The following ODR4 variants were observed in gnomAD, a reference collection of about 807,000 sequenced individuals.
ODR4 encodes protein odr-4 homolog.
Under a neutral mutation model 60.2 loss-of-function variants are expected in ODR4, and 47 were observed. The observed-to-expected ratio is 0.78, with a 90% CI of 0.62 to 1.00. The LOEUF (loss-of-function observed/expected upper bound fraction) is 1.00. Among genes scored for constraint, ODR4 ranks in the 50% least tolerant of loss-of-function variants. The probability of loss-of-function intolerance (pLI) is 0.00; values close to 1 mark genes in which losing one functional copy is unlikely to be tolerated. For synonymous variants in ODR4, 178 were observed against 175.5 expected, an observed-to-expected ratio of 1.01 and a Z score of -0.11; for missense variants, 488 against 530.8, an observed-to-expected ratio of 0.92 and a Z score of 0.79.
intron 11 of ODR4, chr1:186,401,107 T>C (rs1247886980): frequency 6.3e-7 from 1 of 1,594,636 alleles, no homozygotes; most frequent in East Asian, 2.3e-5. Context: ...AGTATACTCT[T>C]CTATTTAAAA....
chr1:186,377,850 C>A (rs1467205349), intron 1 of ODR4, among the ~76,000 whole-genome samples: 1 of 152,142 alleles, frequency 6.6e-6, no homozygotes, highest in Non-Finnish European at 1.5e-5. Flanking sequence ...TCGAGACTAT[C>A]CTGGCTAACA....
At chr1:186,427,922 T>C in the ODR4 span, among the ~76,000 whole-genome samples, 19 of 152,350 alleles carry the variant, frequency 1.2e-4, no homozygotes, top group African/African-American at 4.3e-4. Flanking sequence ...GTTTCAACAG[T>C]GGGCTTAAAA....
chr1:186,418,572 A>G (rs927666186), intron 13 of ODR4, among the ~76,000 whole-genome samples: 3 of 152,240 alleles, frequency 2.0e-5, no homozygotes, highest in African/African-American at 7.2e-5. Flanking sequence ...ATGGTCGAAC[A>G]TGGACTTCTG....
At chr1:186,416,202 CTAAT>C (rs34801594) in intron 12 of ODR4, among the ~76,000 whole-genome samples, 2 of 152,080 alleles carry the variant, frequency 1.3e-5, no homozygotes, top group African/African-American at 4.8e-5. Flanking sequence ...TTATTAATAT[CTAAT>C]TATTTGAAAT....
rs1297402455 is a variant in ODR4, at chr1:186,421,163, C to G, written c.*2087C>G. The G allele has an allele frequency of 6.6e-6, 1 of 152,148 alleles. No homozygotes were observed. The highest frequency in any genetic ancestry group is 1.5e-5 in the Non-Finnish European group (1 of 68,024). 9.4% of individuals were successfully genotyped at this position (152,148 alleles called of 1,614,324 possible). On this transcript the variant is annotated 3_prime_UTR_variant, in exon 14 of 14. Coordinates refer to ENST00000287859, the MANE Select transcript of ODR4 (RefSeq NM_017847.6). ...TCAGATGAAAAACAGATGTTATCCT[C>G]AGCACAAATTCAGTAAAGAGACTAC...
rs115147882 is a variant in ODR4 at position 186,387,360 on chromosome 1, G to A, written c.331-1082G>A. On this transcript the variant is annotated intron_variant, in intron 4 of 13. Coordinates refer to ENST00000287859, the MANE Select transcript of ODR4 (RefSeq NM_017847.6). ...TTTGAAATTTAACCGAAATCTATGCGTATTTAATATTAATAGCATTCATTG... is the reference window on the plus strand; with the variant it reads ...TTTGAAATTTAACCGAAATCTATGCATATTTAATATTAATAGCATTCATTG... Among the ~76,000 whole-genome samples the A allele has an allele frequency of 3.9e-3, 595 of 152,210 alleles. 2 individuals carry two copies. Among genetic ancestry groups the A allele is most frequent in the African/African-American group, 0.012 (512 of 41,526 alleles).
chr1:186,398,578 G>T, intron 10 of ODR4, 137 bp downstream of exon 10: 2 of 848,108 alleles, frequency 2.4e-6, no homozygotes, highest in Non-Finnish European at 1.7e-6. Context: ...CAGTCCAAAT[G>T]TACCATATAA....
intron 12 of ODR4, among the ~76,000 whole-genome samples, chr1:186,412,898 T>A (rs1356604438): frequency 6.6e-6 from 1 of 152,114 alleles, no homozygotes; most frequent in Non-Finnish European, 1.5e-5. Flanking sequence ...ACCTCTGACT[T>A]GTAATGAAAA....
Position 186,379,881 on chromosome 1 carries a change from A to T in ODR4, c.96A>T (p.Gly32=), listed in dbSNP as rs765928816. The T allele has an allele frequency of 1.3e-6, 2 of 1,552,710 alleles. No individual in the cohort carries two copies. The highest frequency in any genetic ancestry group is 4.5e-5 in the East Asian group (2 of 44,014). Residue 32 remains glycine, a synonymous_variant, in exon 2 of 14, where the codon GGA becomes GGT. Transcript: ENST00000287859. ...CTTTTGTCTCTGGCCTTTTAATAGGACAGGTATGTATCTTTTACTCTGCAT... is the reference window on the plus strand; with the variant it reads ...CTTTTGTCTCTGGCCTTTTAATAGGTCAGGTATGTATCTTTTACTCTGCAT... ...GKAFVSGLLI[G]QCSSQKDYVI...
intron 4 of ODR4, among the ~76,000 whole-genome samples, chr1:186,386,395 T>G (rs968422989): frequency 6.6e-6 from 1 of 152,168 alleles, no homozygotes; most frequent in Non-Finnish European, 1.5e-5. Flanking sequence ...GAAAAAGCTA[T>G]TCTTTCCTCA....
chr1:186,421,076 G>A lies in ODR4; in HGVS notation c.*2000G>A, dbSNP rs1360744279. The A allele has an allele frequency of 6.6e-6, 1 of 152,112 alleles. No homozygotes were observed. The highest frequency in any genetic ancestry group is 2.4e-5 in the African/African-American group (1 of 41,434). 9.4% of individuals were successfully genotyped at this position (152,112 alleles called of 1,614,324 possible). On this transcript the variant is annotated 3_prime_UTR_variant, in exon 14 of 14. Coordinates refer to ENST00000287859, the MANE Select transcript of ODR4 (RefSeq NM_017847.6). ...GCAACAATGTACCCAAAAGAGGGTAGAATTCTGAGAAAAACTATTAGCTTA... is the reference window on the plus strand; with the variant it reads ...GCAACAATGTACCCAAAAGAGGGTAAAATTCTGAGAAAAACTATTAGCTTA...
intron 4 of ODR4, among the ~76,000 whole-genome samples, chr1:186,387,613 G>A (rs1660303717): frequency 6.6e-6 from 1 of 152,148 alleles, no homozygotes; most frequent in African/African-American, 2.4e-5. Flanking sequence ...ACTTGTCAGT[G>A]TCACCCATTA....
intron 6 of ODR4, among the ~76,000 whole-genome samples, chr1:186,389,957 A>ATTTTTGT (rs1253244996): frequency 1.3e-5 from 2 of 151,672 alleles, no homozygotes; most frequent in South Asian, 2.1e-4. Flanking sequence ...CTGGCTAATT[A>ATTTTTGT]TTTTTGTTTT....
At chr1:186,400,020 T>G (rs149980994) in intron 11 of ODR4, among the ~76,000 whole-genome samples, 1 of 141,186 alleles carries the variant, frequency 7.1e-6, no homozygotes, top group African/African-American at 2.6e-5. Flanking sequence ...GAGACGGAGT[T>G]TCGCTCTGTC....
chr1:186,422,782 A>G (rs1200485700), downstream of ODR4, among the ~76,000 whole-genome samples: 1 of 152,202 alleles, frequency 6.6e-6, no homozygotes, highest in Admixed American at 6.5e-5. Flanking sequence ...CTAAATGTGC[A>G]ACTTAGAAAA....
chr1:186,390,990 C>G lies in ODR4; in HGVS notation c.615+139C>G, dbSNP rs191787404. 6.1e-4 allele frequency: 545 copies of G among 898,442 alleles called. 8 individuals are homozygous for G. The African/African-American group carries it at 8.7e-3, about 14-fold the overall frequency. The allele number at this position is 898,442 out of a possible 1,614,324, so 55.7% of individuals were successfully genotyped here. The stretch of plus-strand genomic sequence containing the variant: ...TGTTGTTATGTGAGTAACTTATTAC[C>G]GCAGCCAAATTAGAAATTTTTAGAA... On this transcript the variant is annotated intron_variant, in intron 7 of 13. Coordinates refer to ENST00000287859, the MANE Select transcript of ODR4 (RefSeq NM_017847.6).
chr1:186,386,184 T>G, intron 4 of ODR4, 101 bp downstream of exon 4: 1 of 622,734 alleles, frequency 1.6e-6, no homozygotes, highest in African/African-American at 1.9e-5. Context: ...ACATTTGTTT[T>G]CCATAATTCT....
At chr1:186,378,281 C>A (rs1171842701) in intron 1 of ODR4, among the ~76,000 whole-genome samples, 1 of 152,176 alleles carries the variant, frequency 6.6e-6, no homozygotes, top group East Asian at 1.9e-4. Flanking sequence ...GAATAAGATT[C>A]ACATTTTTAA....
At chr1:186,396,500 T>C in intron 9 of ODR4, among the ~76,000 whole-genome samples, 1 of 152,046 alleles carries the variant, frequency 6.6e-6, no homozygotes, top group Non-Finnish European at 1.5e-5. Flanking sequence ...TCCCAGCTAC[T>C]TGGGAGGCGA....
Sources: allele counts gnomAD v4.1 joint callset (sites outside exome capture counted in the v4.1 genomes callset), GRCh38; gene constraint gnomAD v4.1.1; transcripts MANE v1.5; gene names NCBI Gene and HGNC (gene_info 2026-07-23, HGNC 2026-07-21).